GALNT14: variants seen among roughly 807,000 people sequenced by gnomAD.
The protein encoded by GALNT14 is polypeptide N-acetylgalactosaminyltransferase 14.
A neutral mutation model predicts 77.5 loss-of-function variants in GALNT14; 60 were observed. The observed-to-expected ratio is 0.77, with a 90% confidence interval of 0.63 to 0.96. GALNT14 has a LOEUF of 0.96. GALNT14 is among the 40% of genes least tolerant of loss of function. GALNT14 has a pLI of 0.00. For missense variants in GALNT14, 710 were observed against 731.0 expected (o/e 0.97, Z 0.33); for synonymous variants, 280 against 281.7 (o/e 0.99, Z 0.06).
chr2:31,011,097 C>A (rs774534469), intron 1 of GALNT14, among the ~76,000 whole-genome samples: 31 of 152,142 alleles, frequency 2.0e-4, no homozygotes, highest in Non-Finnish European at 4.4e-4. Context: ...GGGTGGACAC[C>A]CACGAGAGCT....
chr2:31,043,444 A>G lies in GALNT14; in HGVS notation c.130-50437T>C, dbSNP rs576817925. On this transcript the variant is annotated intron_variant, in intron 1 of 14. Transcript: ENST00000349752. ...ATAGTAGCTCCTCAATAAATAAGGTAGGAATCAGTTAATGAATGAGTGAAG... is the reference window on the plus strand; with the variant it reads ...ATAGTAGCTCCTCAATAAATAAGGTGGGAATCAGTTAATGAATGAGTGAAG... Among the ~76,000 whole-genome samples the G allele has an allele frequency of 5.2e-4, 79 of 152,366 alleles. 1 individual carries two copies. The highest frequency in any genetic ancestry group is 1.8e-3 in the African/African-American group (76 of 41,580).
chr2:30,967,413 T>C (rs73923314), intron 2 of GALNT14, among the ~76,000 whole-genome samples: 96 of 152,266 alleles, frequency 6.3e-4, no homozygotes, highest in African/African-American at 2.3e-3. Flanking sequence ...GATCAGTTTT[T>C]TCTATAGGGG....
intron 4 of GALNT14, 137 bp downstream of exon 4, chr2:30,958,260 G>T: frequency 3.2e-6 from 2 of 620,254 alleles, no homozygotes; most frequent in Non-Finnish European, 5.6e-6. Flanking sequence ...AGCCACGGAC[G>T]CTCAAAGACT....
intron 1 of GALNT14, among the ~76,000 whole-genome samples, chr2:31,006,076 C>T (rs1670653876): frequency 6.6e-6 from 1 of 152,142 alleles, no homozygotes; most frequent in Non-Finnish European, 1.5e-5. Flanking sequence ...TTCTCCTCGT[C>T]TGAACTTAGT....
At chr2:30,934,206 C>T (rs1572991918) in intron 9 of GALNT14, among the ~76,000 whole-genome samples, 1 of 152,298 alleles carries the variant, frequency 6.6e-6, no homozygotes. Context: ...AGCCAACTGC[C>T]TGGCACCCAC....
At chr2:31,133,733 A>C (rs1257750664) in intron 1 of GALNT14, among the ~76,000 whole-genome samples, 2 of 152,242 alleles carry the variant, frequency 1.3e-5, no homozygotes, top group East Asian at 3.8e-4. Flanking sequence ...GAAGAAATTA[A>C]AACATTTTTC....
intron 3 of GALNT14, among the ~76,000 whole-genome samples, chr2:30,959,103 TC>T: frequency 6.6e-6 from 1 of 152,086 alleles, no homozygotes; most frequent in Non-Finnish European, 1.5e-5. Context: ...AGAGCCTCTC[TC>T]CTGCTGCTGC....
intron 1 of GALNT14, among the ~76,000 whole-genome samples, chr2:31,094,627 C>G (rs190500278): frequency 6.6e-6 from 1 of 152,340 alleles, no homozygotes; most frequent in Admixed American, 6.5e-5. Context: ...CACCACTAGC[C>G]AAGTGTTGCT....
At chr2:31,131,105 A>T (rs1678970837) in intron 1 of GALNT14, among the ~76,000 whole-genome samples, 1 of 152,146 alleles carries the variant, frequency 6.6e-6, no homozygotes, top group Non-Finnish European at 1.5e-5. Flanking sequence ...CTGAGCCAGG[A>T]AGAGAGGAAT....
chr2:30,932,043 C>T (rs1205185954), intron 10 of GALNT14, 25 bp downstream of exon 10: 14 of 1,484,266 alleles, frequency 9.4e-6, no homozygotes, highest in Middle Eastern at 1.8e-4. Flanking sequence ...TGCTGCCCAC[C>T]CGCGCTGAGC....
intron 1 of GALNT14, among the ~76,000 whole-genome samples, chr2:30,995,757 C>A (rs774706660): frequency 6.6e-6 from 1 of 152,168 alleles, no homozygotes; most frequent in African/African-American, 2.4e-5. Context: ...ACCTCGGCCT[C>A]CCAAAGTGCT....
intron 1 of GALNT14, among the ~76,000 whole-genome samples, chr2:31,069,752 A>G (rs1408974474): frequency 6.6e-6 from 1 of 152,180 alleles, no homozygotes; most frequent in Non-Finnish European, 1.5e-5. Context: ...TTTCTTCCCA[A>G]GAGGCCTTGG....
intron 13 of GALNT14, among the ~76,000 whole-genome samples, chr2:30,914,080 A>G (rs1664528793): frequency 6.6e-6 from 1 of 152,244 alleles, no homozygotes; most frequent in African/African-American, 2.4e-5. Context: ...GCTGCTGCTA[A>G]TAAGAGCTGA....
At chr2:30,909,145 A>C (rs887993036), downstream of GALNT14, among the ~76,000 whole-genome samples, 1 of 151,922 alleles carries the variant, frequency 6.6e-6, no homozygotes, top group Admixed American at 6.6e-5. Flanking sequence ...GGACATAGGC[A>C]CGGGCAAGGA....
chr2:31,050,647 G>A (rs1005435027), intron 1 of GALNT14, among the ~76,000 whole-genome samples: 5 of 152,112 alleles, frequency 3.3e-5, no homozygotes, highest in Non-Finnish European at 5.9e-5. Context: ...TTTTACTTGT[G>A]ACCATGTGCT....
intron 1 of GALNT14, among the ~76,000 whole-genome samples, chr2:31,050,829 A>G (rs1284811179): frequency 6.7e-6 from 1 of 150,048 alleles, no homozygotes; most frequent in Non-Finnish European, 1.5e-5. Flanking sequence ...GGGATTCTCC[A>G]TGACAGCTGT....
In GALNT14 at chr2:30,992,961, C is replaced by A; in HGVS notation, c.176G>T (p.Arg59Leu). 6.2e-7 allele frequency: 1 copy of A among 1,614,156 alleles called. No homozygotes were observed. The highest frequency in any genetic ancestry group is 8.5e-7 in the Non-Finnish European group (1 of 1,180,028). Residue 59 changes from arginine to leucine, a missense_variant, in exon 2 of 15, where the codon CGG (arginine) becomes CTG (leucine). By Grantham distance (102) the Arg-to-Leu change is moderately radical. Transcript: ENST00000349752. ...WDDLWDQFDE[R>L]RYLNAKKWRV... is the part of the protein sequence containing the mutation. ...CCACTTTTTGGCATTCAGATACCGC[C>A]GCTCATCAAACTGGTCCCACAGGTC...
chr2:31,096,350 T>C (rs1277479791), intron 1 of GALNT14, among the ~76,000 whole-genome samples: 1 of 152,210 alleles, frequency 6.6e-6, no homozygotes, highest in African/African-American at 2.4e-5. Context: ...TTACAGTATA[T>C]GTCTTCTCAC....
At chr2:30,919,831 A>G (rs961551896) in intron 13 of GALNT14, among the ~76,000 whole-genome samples, 4 of 152,200 alleles carry the variant, frequency 2.6e-5, no homozygotes, top group African/African-American at 9.6e-5. Context: ...TGTGTCCCAC[A>G]TTCTGGTGTG....
Sources: gnomAD v4.1 joint callset for allele counts (sites outside exome capture counted in the v4.1 genomes callset) on GRCh38, gnomAD v4.1.1 for gene constraint, MANE v1.5 for transcripts, NCBI Gene and HGNC (gene_info 2026-07-23, HGNC 2026-07-21) for gene names.